Variants in KCNB2 observed in about 807,000 individuals in gnomAD.
KCNB2 encodes the protein delayed rectifier potassium channel protein.
A neutral mutation model predicts 61.5 loss-of-function variants in KCNB2; 15 were observed. The observed-to-expected ratio is 0.24, with a 90% CI of 0.16 to 0.38. KCNB2 has a LOEUF of 0.38. KCNB2 is among the 10% of genes least tolerant of loss of function. The pLI is 1.00. For missense variants in KCNB2, 828 were observed against 1,125.2 expected, an observed-to-expected ratio of 0.74 and a Z score of 3.78; for synonymous variants, 457 against 446.0, an observed-to-expected ratio of 1.02 and a Z score of -0.31.
At chr8:72,860,770 A>G (rs1585938145) in intron 2 of KCNB2, among the ~76,000 whole-genome samples, 2 of 152,244 alleles carry the variant, frequency 1.3e-5, no homozygotes, top group South Asian at 4.1e-4. Flanking sequence ...TTAAATGGTC[A>G]CAAGAACAGA....
At chr8:72,837,282 A>G (rs1299111109) in intron 2 of KCNB2, among the ~76,000 whole-genome samples, 3 of 152,176 alleles carry the variant, frequency 2.0e-5, no homozygotes, top group African/African-American at 7.2e-5. Flanking sequence ...CAGAGGTGCC[A>G]CCTACAGTTA....
chr8:72,736,259 CCTCT>C (rs1807843694), intron 2 of KCNB2, among the ~76,000 whole-genome samples: 1 of 151,396 alleles, frequency 6.6e-6, no homozygotes, highest in Non-Finnish European at 1.5e-5. Flanking sequence ...ACCTATTGTC[CCTCT>C]ATCATTTAAA....
intron 2 of KCNB2, among the ~76,000 whole-genome samples, chr8:72,858,328 A>G (rs1417067406): frequency 6.6e-6 from 1 of 152,214 alleles, no homozygotes; most frequent in East Asian, 1.9e-4. Context: ...AGATTTACAT[A>G]ATTTCAAGAT....
chr8:72,546,454 T>G (rs1585743898), intron 1 of KCNB2, among the ~76,000 whole-genome samples: 1 of 151,256 alleles, frequency 6.6e-6, no homozygotes. Context: ...GAGGTGGAGG[T>G]TGCAGTGAGC....
At position 72,814,713 on chromosome 8, in the gene KCNB2, A is replaced by C. The variant is rs1217373796; in HGVS notation, c.580-121222A>C. ...TTTTCATTTAGATTGATACTAGGCA[A>C]AGTTCTAACATTGAGGACTTGCCCT... On this transcript the variant is annotated intron_variant, in intron 2 of 2. Transcript: ENST00000523207. 3.3e-5 allele frequency among the ~76,000 whole-genome samples: 5 copies of C among 152,318 alleles called. No homozygotes were observed. The East Asian group carries it at 7.7e-4, about 23-fold the overall frequency.
rs1332096458 is a variant in KCNB2, at chr8:72,937,999, G to A, written c.2644G>A (p.Gly882Arg). 1 of 1,614,096 alleles carries A rather than the reference G, an allele frequency of 6.2e-7. No homozygotes were observed. Among genetic ancestry groups the A allele is most frequent in the Admixed American group, 1.7e-5 (1 of 60,016 alleles). The change falls in exon 3 of 3, where the codon GGG (glycine) becomes AGG (arginine). Residue 882 changes from glycine (G) to arginine (R), a missense_variant. Gly to Arg is a moderately radical substitution (Grantham distance 125). Transcript: ENST00000523207. ...SEVKKDSSQE[G>R]CKMENHLFAP... ...AGTCAAAAAGGACAGTAGTCAAGAA[G>A]GGTGCAAGATGGAAAATCACTTGTT... is the stretch of plus-strand genomic sequence containing the variant.
chr8:72,673,382 C>T (rs1403712586), intron 2 of KCNB2, among the ~76,000 whole-genome samples: 1 of 152,124 alleles, frequency 6.6e-6, no homozygotes, highest in Non-Finnish European at 1.5e-5. Context: ...GGGGCTTCCC[C>T]CTTTGATGAG....
chr8:72,813,752 C>A (rs1809344511), intron 2 of KCNB2, among the ~76,000 whole-genome samples: 1 of 152,132 alleles, frequency 6.6e-6, no homozygotes, highest in African/African-American at 2.4e-5. Flanking sequence ...AAACATCAGC[C>A]CCTTTAACCA....
At chr8:72,836,769 G>T (rs1809789798) in intron 2 of KCNB2, among the ~76,000 whole-genome samples, 1 of 152,036 alleles carries the variant, frequency 6.6e-6, no homozygotes, top group Non-Finnish European at 1.5e-5. Flanking sequence ...AAAATAGCTG[G>T]GCATGGTGGC....
rs532053496 is a variant in KCNB2, at chr8:72,825,071, A to AG, written c.580-110863dup. On this transcript the variant is annotated intron_variant, in intron 2 of 2. Transcript: ENST00000523207. ...ATTCGTCTTTCCTCTCTCTTCTCCC[A>AG]GCCCCTGGCAACCACTGCTCTACTT... Among the ~76,000 whole-genome samples, 4 of 152,172 alleles carry AG rather than the reference A, an allele frequency of 2.6e-5. No individual in the cohort carries two copies. The South Asian group carries it at 8.3e-4, about 32-fold the overall frequency.
intron 2 of KCNB2, among the ~76,000 whole-genome samples, chr8:72,838,176 A>G (rs1475488720): frequency 2.0e-5 from 3 of 152,158 alleles, no homozygotes; most frequent in African/African-American, 7.2e-5. Flanking sequence ...CAGGTTTGTT[A>G]CATAGCTGTA....
intron 2 of KCNB2, among the ~76,000 whole-genome samples, chr8:72,818,203 A>G (rs1248804563): frequency 6.6e-6 from 1 of 152,208 alleles, no homozygotes; most frequent in African/African-American, 2.4e-5. Context: ...AAAGAAAAAA[A>G]TTATGGCCTA....
intron 2 of KCNB2, among the ~76,000 whole-genome samples, chr8:72,632,172 A>G (rs73305868): frequency 0.033 from 5,035 of 152,150 alleles, 118 homozygotes; most frequent in South Asian, 0.073. Flanking sequence ...CATGAGCCCA[A>G]GAGGTTGAGG....
chr8:72,651,005 C>T (rs1806202786), intron 2 of KCNB2, among the ~76,000 whole-genome samples: 1 of 152,130 alleles, frequency 6.6e-6, no homozygotes, highest in Non-Finnish European at 1.5e-5. Flanking sequence ...TCAAAATTGA[C>T]ATTCATTTTC....
Position 72,936,267 on chromosome 8 carries a change from A to G in KCNB2, c.912A>G (p.Arg304=). 6.2e-7 allele frequency: 1 copy of G among 1,614,210 alleles called. No individual in the cohort carries two copies. The highest frequency in any genetic ancestry group is 1.1e-5 in the South Asian group (1 of 91,086). The change falls in exon 3 of 3, where the codon CGA becomes CGG. Residue 304 remains arginine, a synonymous_variant. Coordinates refer to ENST00000523207, the MANE Select transcript of KCNB2 (RefSeq NM_004770.3). This position sits in a 1 kb window ranked among gnomAD's most constrained non-coding sequence, Gnocchi z 5.6. ...QNVRRVVQIF[R]IMRILRILKL... ...TGAGGCGCGTGGTCCAGATCTTCCG[A>G]ATCATGCGCATCCTCAGGATCCTGA...
intron 2 of KCNB2, among the ~76,000 whole-genome samples, chr8:72,681,370 T>G (rs1270857410): frequency 6.6e-6 from 1 of 152,176 alleles, no homozygotes; most frequent in Non-Finnish European, 1.5e-5. Flanking sequence ...TTAAACTTTT[T>G]TACTAAGAAC....
In KCNB2 at chr8:72,727,730, A is replaced by G. The variant is rs150914821; in HGVS notation, c.579+159417A>G. 8.6e-4 allele frequency among the ~76,000 whole-genome samples: 131 copies of G among 152,354 alleles called. 1 individual carries two copies. The highest frequency in any genetic ancestry group is 3.0e-3 in the African/African-American group (126 of 41,586). Reference sequence around the variant, plus strand: ...TGATGGCACACAAATTCATAGTACAATAAGTCACAAGGAGGATTAGACAAG... The same window carrying G: ...TGATGGCACACAAATTCATAGTACAGTAAGTCACAAGGAGGATTAGACAAG... On this transcript the variant is annotated intron_variant, in intron 2 of 2. Coordinates refer to ENST00000523207, the MANE Select transcript of KCNB2 (RefSeq NM_004770.3).
chr8:72,565,133 ATG>A lies in KCNB2; in HGVS notation c.-93-2501_-93-2500del, dbSNP rs199979226. Among the ~76,000 whole-genome samples the A allele has an allele frequency of 9.4e-3, 987 of 105,050 alleles. 6 individuals carry two copies. Among genetic ancestry groups the A allele is most frequent in the Non-Finnish European group, 0.015 (620 of 41,064 alleles). 68.9% of individuals were successfully genotyped at this position (105,050 alleles called of 152,430 possible). On this transcript the variant is annotated intron_variant, in intron 1 of 2. Transcript: ENST00000523207. ...AGCATTTTTGTCATGTGTGATGAAA[ATG>A]TGTGTGTATATATATATATATGCTT...
At chr8:72,743,003 G>A (rs998075373) in intron 2 of KCNB2, among the ~76,000 whole-genome samples, 1 of 152,168 alleles carries the variant, frequency 6.6e-6, no homozygotes, top group Non-Finnish European at 1.5e-5. Context: ...GTCTCACTCA[G>A]CCATGAGCAC....
Sources: gnomAD v4.1 joint callset for allele counts (sites outside exome capture counted in the v4.1 genomes callset) on GRCh38, gnomAD v4.1.1 for gene constraint, Gnocchi (gnomAD v3.1) non-coding constraint, MANE v1.5 for transcripts, NCBI Gene and HGNC (gene_info 2026-07-23, HGNC 2026-07-21) for gene names.